Variants in FAM171B observed in about 807,000 individuals in gnomAD.
FAM171B encodes the protein family with sequence similarity 171 member B, also known as protein FAM171B.
FAM171B carries 19 observed loss-of-function variants against 75.6 expected under a neutral mutation model. The observed-to-expected ratio is 0.25, with a 90% CI of 0.18 to 0.37. FAM171B has a LOEUF of 0.37. Among genes scored for constraint, FAM171B ranks in the 10% least tolerant of loss-of-function variants. FAM171B has a pLI of 1.00. For synonymous variants in FAM171B, 367 were observed against 361.7 expected (o/e 1.01, Z -0.17); for missense variants, 848 against 982.4 (o/e 0.86, Z 1.83).
chr2:186,751,884 A>G (rs1385690287), intron 5 of FAM171B, among the ~76,000 whole-genome samples: 1 of 152,154 alleles, frequency 6.6e-6, no homozygotes, highest in Non-Finnish European at 1.5e-5. Context: ...AAAGACAGAA[A>G]AAGGAAAATG....
In FAM171B at chr2:186,762,686, A is replaced by G; in HGVS notation, c.2344A>G (p.Arg782Gly). 1 of 1,613,254 alleles carries G rather than the reference A, an allele frequency of 6.2e-7. No individual in the cohort carries two copies. Among genetic ancestry groups the G allele is most frequent in the Non-Finnish European group, 8.5e-7 (1 of 1,179,612 alleles). Residue 782 changes from arginine (R) to glycine (G), a missense_variant, in exon 8 of 8, where the codon AGG becomes GGG. By Grantham distance (125) the Arg-to-Gly change is moderately radical. This residue lies in a region of FAM171B where 136 missense variants were observed against 159.3 expected (regional missense o/e 0.85). Coordinates refer to ENST00000304698, the MANE Select transcript of FAM171B (RefSeq NM_177454.4). This position sits in a 1 kb window ranked among gnomAD's most constrained non-coding sequence, Gnocchi z 4.0. ...GCACCCTGGAGAAGAGTCGCCAGGAAGGAAAAGCACTGTTGAAGATTTTGA... is the reference window on the plus strand; with the variant it reads ...GCACCCTGGAGAAGAGTCGCCAGGAGGGAAAAGCACTGTTGAAGATTTTGA... ...MEHPGEESPG[R>G]KSTVEDFEAN...
At chr2:186,733,410 C>G (rs1389572211) in intron 1 of FAM171B, among the ~76,000 whole-genome samples, 2 of 152,172 alleles carry the variant, frequency 1.3e-5, no homozygotes, top group Admixed American at 6.5e-5. Context: ...ATCAGTCTCC[C>G]CCAAGAATTT....
At chr2:186,726,738 GT>G (rs1339658489) in intron 1 of FAM171B, among the ~76,000 whole-genome samples, 1 of 151,944 alleles carries the variant, frequency 6.6e-6, no homozygotes, top group African/African-American at 2.4e-5. Context: ...AGTCAAAACT[GT>G]TTTTTCTAGT....
intron 6 of FAM171B, among the ~76,000 whole-genome samples, chr2:186,757,019 C>A (rs1156805069): frequency 2.6e-5 from 4 of 152,112 alleles, no homozygotes; most frequent in Non-Finnish European, 5.9e-5. Context: ...CCTTCTGGCC[C>A]ATGGATGTGT....
chr2:186,735,730 G>C (rs1461145232), intron 1 of FAM171B, among the ~76,000 whole-genome samples: 7 of 152,076 alleles, frequency 4.6e-5, no homozygotes, highest in Non-Finnish European at 8.8e-5. Flanking sequence ...TTTCATAAAG[G>C]CAATCTCAGG....
At chr2:186,758,344 A>G (rs143834315) in intron 6 of FAM171B, among the ~76,000 whole-genome samples, 1 of 152,306 alleles carries the variant, frequency 6.6e-6, no homozygotes, top group African/African-American at 2.4e-5. Flanking sequence ...TACATGCATA[A>G]CTGCAATACT....
chr2:186,751,262 G>A lies in FAM171B; in HGVS notation c.853G>A (p.Ala285Thr). 6.2e-7 allele frequency: 1 copy of A among 1,606,994 alleles called. No homozygotes were observed. Among genetic ancestry groups the A allele is most frequent in the Non-Finnish European group, 8.5e-7 (1 of 1,175,384 alleles). ...LPLLRLNDIS[A>T]GDRIPAWTFD... ...TCTTCTACGTCTGAATGATATAAGT[G>A]CAGGGGATCGCATACCTGCTTGGAC... Residue 285 changes from alanine (A) to threonine (T), a missense_variant, in exon 5 of 8, where the codon GCA becomes ACA. Ala to Thr is a moderately conservative substitution (Grantham distance 58). Coordinates refer to ENST00000304698, the MANE Select transcript of FAM171B (RefSeq NM_177454.4).
intron 1 of FAM171B, 134 bp downstream of exon 1, chr2:186,694,545 C>T: frequency 7.9e-7 from 1 of 1,259,790 alleles, no homozygotes; most frequent in African/African-American, 1.5e-5. Context: ...GATCTCTCTC[C>T]CCAGACTGGC....
At chr2:186,747,512 A>G (rs1690383445) in intron 4 of FAM171B, among the ~76,000 whole-genome samples, 1 of 152,232 alleles carries the variant, frequency 6.6e-6, no homozygotes, top group African/African-American at 2.4e-5. Flanking sequence ...ATTAAATTTT[A>G]TTTGATCCAA....
intron 1 of FAM171B, among the ~76,000 whole-genome samples, chr2:186,733,020 C>T (rs1013171703): frequency 6.6e-6 from 1 of 152,116 alleles, no homozygotes; most frequent in Non-Finnish European, 1.5e-5. Flanking sequence ...CTGAACATTG[C>T]CTGATGTTTG....
At chr2:186,717,227 AAAAT>A (rs1689887513) in intron 1 of FAM171B, among the ~76,000 whole-genome samples, 1 of 152,222 alleles carries the variant, frequency 6.6e-6, no homozygotes, top group African/African-American at 2.4e-5. Context: ...AGCATGATTA[AAAAT>A]AAATAAAATA....
intron 1 of FAM171B, among the ~76,000 whole-genome samples, chr2:186,698,548 T>A (rs1055836665): frequency 1.3e-5 from 2 of 152,172 alleles, no homozygotes; most frequent in African/African-American, 2.4e-5. Context: ...TAGGTGTATA[T>A]ATTTATGGGC....
In FAM171B at chr2:186,753,916, T is replaced by G. The variant is rs763459201; in HGVS notation, c.896-17T>G. On this transcript the variant is annotated splice_polypyrimidine_tract_variant and intron_variant, in intron 5 of 7. Coordinates refer to ENST00000304698, the MANE Select transcript of FAM171B (RefSeq NM_177454.4). ...TAAGATATAACTGTAACAAGTATTTTTTACATACCTTTTTAGGTGCTTGGG... is the reference window on the plus strand; with the variant it reads ...TAAGATATAACTGTAACAAGTATTTGTTACATACCTTTTTAGGTGCTTGGG... The G allele has an allele frequency of 3.1e-6, 5 of 1,597,758 alleles. No individual in the cohort carries two copies. The highest frequency in any genetic ancestry group is 4.3e-6 in the Non-Finnish European group (5 of 1,165,348).
intron 1 of FAM171B, among the ~76,000 whole-genome samples, chr2:186,735,316 A>T (rs1343701201): frequency 6.6e-6 from 1 of 152,176 alleles, no homozygotes; most frequent in Non-Finnish European, 1.5e-5. Context: ...TCTTGAGCTG[A>T]GTTGCTTCTG....
chr2:186,761,386 G>T (rs976210412), intron 7 of FAM171B, 93 bp from the exon 8 acceptor site: 1 of 1,434,046 alleles, frequency 7.0e-7, no homozygotes, highest in Non-Finnish European at 9.4e-7. Context: ...CAATAGCATT[G>T]CATGTATGAT....
chr2:186,763,519 C>T lies in FAM171B; in HGVS notation c.*696C>T, dbSNP rs1338233958. On this transcript the variant is annotated 3_prime_UTR_variant, in exon 8 of 8. Transcript: ENST00000304698. ...TTTAGAAATTTGAGAAATTAATGCT[C>T]TAATACTGAGTTTTTATTTAAAAAT... The T allele has an allele frequency of 6.6e-6, 1 of 152,012 alleles. No individual in the cohort carries two copies. Among genetic ancestry groups the T allele is most frequent in the Non-Finnish European group, 1.5e-5 (1 of 67,962 alleles). The allele number at this position is 152,012 out of a possible 1,614,324, so 9.4% of individuals were successfully genotyped here.
intron 1 of FAM171B, among the ~76,000 whole-genome samples, chr2:186,707,709 C>G (rs1222726400): frequency 6.6e-6 from 1 of 152,012 alleles, no homozygotes; most frequent in Non-Finnish European, 1.5e-5. Context: ...TGCCTCAGTG[C>G]CTTAACACAG....
intron 1 of FAM171B, among the ~76,000 whole-genome samples, chr2:186,703,261 A>G (rs1689689164): frequency 6.6e-6 from 1 of 151,988 alleles, no homozygotes; most frequent in South Asian, 2.1e-4. Context: ...TGTATTTTTA[A>G]TTCACTTGTT....
chr2:186,751,081 G>C, intron 4 of FAM171B, 53 bp from the exon 5 acceptor site: 1 of 1,373,424 alleles, frequency 7.3e-7, no homozygotes, highest in South Asian at 1.6e-5. Context: ...TAATAATTAG[G>C]TAACTACCAC....
Sources: allele counts gnomAD v4.1 joint callset (sites outside exome capture counted in the v4.1 genomes callset), GRCh38; gene constraint gnomAD v4.1.1; regional missense constraint gnomAD v4.1.1; non-coding constraint Gnocchi (gnomAD v3.1); transcripts MANE v1.5; gene names NCBI Gene and HGNC (gene_info 2026-07-23, HGNC 2026-07-21).